Variants in DIPK1A observed in about 807,000 individuals in gnomAD.
The protein encoded by DIPK1A is family with sequence similarity 69 member A.
DIPK1A carries 27 observed loss-of-function variants against 40.8 expected under a neutral mutation model. The observed-to-expected ratio is 0.66, with a 90% CI of 0.49 to 0.91. The LOEUF (loss-of-function observed/expected upper bound fraction) is 0.91. Among genes scored for constraint, DIPK1A ranks in the 40% least tolerant of loss-of-function variants. The pLI, the probability that DIPK1A is intolerant of heterozygous loss-of-function variation, is 0.00. For synonymous variants in DIPK1A, 166 were observed against 171.3 expected (o/e 0.97, Z 0.24); for missense variants, 412 against 505.7 (o/e 0.81, Z 1.78).
intron 1 of DIPK1A, among the ~76,000 whole-genome samples, chr1:92,915,302 G>C (rs1391844943): frequency 6.6e-6 from 1 of 152,182 alleles, no homozygotes; most frequent in South Asian, 2.1e-4. Context: ...AAACATGTGA[G>C]TCCGTGTATT....
At chr1:92,923,082 C>G (rs1242894246) in intron 1 of DIPK1A, among the ~76,000 whole-genome samples, 1 of 152,162 alleles carries the variant, frequency 6.6e-6, no homozygotes, top group African/African-American at 2.4e-5. Context: ...GCTTTCCATG[C>G]TTATTGTTCC....
intron 1 of DIPK1A, among the ~76,000 whole-genome samples, chr1:92,905,137 T>C (rs1431329981): frequency 1.3e-5 from 2 of 152,182 alleles, no homozygotes; most frequent in Non-Finnish European, 1.5e-5. Context: ...ACCTATTTTA[T>C]ATACTTAATT....
intron 1 of DIPK1A, among the ~76,000 whole-genome samples, chr1:92,911,881 G>A (rs531245607): frequency 6.6e-6 from 1 of 151,762 alleles, no homozygotes; most frequent in East Asian, 1.9e-4. Flanking sequence ...GCAGGTGCCT[G>A]TAATCCCAGC....
At chr1:92,833,684 C>G (rs1553285040) in intron 4 of DIPK1A, 2 of 1,574,642 alleles carry the variant, frequency 1.3e-6, no homozygotes, top group Middle Eastern at 2.3e-4. Context: ...TAGACAGTCC[C>G]CTTTTTTTAT....
intron 1 of DIPK1A, among the ~76,000 whole-genome samples, chr1:92,915,061 C>A (rs1649998454): frequency 7.5e-6 from 1 of 132,884 alleles, no homozygotes. Flanking sequence ...GCACTTCAGC[C>A]TGGGTGACAG....
At chr1:92,957,266 A>C (rs1651890515) in intron 1 of DIPK1A, among the ~76,000 whole-genome samples, 1 of 152,230 alleles carries the variant, frequency 6.6e-6, no homozygotes, top group South Asian at 2.1e-4. Context: ...CAAGCAGGCC[A>C]CAAGTAGTAT....
chr1:92,863,717 G>A (rs1647395565), intron 2 of DIPK1A, among the ~76,000 whole-genome samples: 1 of 152,030 alleles, frequency 6.6e-6, no homozygotes, highest in South Asian at 2.1e-4. Context: ...AAAGGGAAAA[G>A]GGCTATACTT....
intron 2 of DIPK1A, among the ~76,000 whole-genome samples, chr1:92,863,475 C>T (rs1275721114): frequency 1.4e-5 from 2 of 143,714 alleles, no homozygotes; most frequent in Non-Finnish European, 3.0e-5. Flanking sequence ...CTCATGCCTA[C>T]AATCCCAGCA....
At chr1:92,893,764 C>A (rs1490356398) in intron 1 of DIPK1A, among the ~76,000 whole-genome samples, 1 of 145,556 alleles carries the variant, frequency 6.9e-6, no homozygotes, top group Non-Finnish European at 1.5e-5. Flanking sequence ...ACCCATCTCA[C>A]GTGCAGAGAC....
intron 1 of DIPK1A, among the ~76,000 whole-genome samples, chr1:92,944,041 A>G (rs1285268774): frequency 6.6e-6 from 1 of 152,202 alleles, no homozygotes; most frequent in African/African-American, 2.4e-5. Context: ...AACTATGAAT[A>G]GGAAACCATA....
At chr1:92,948,838 C>T (rs1037133908) in intron 1 of DIPK1A, among the ~76,000 whole-genome samples, 1 of 149,006 alleles carries the variant, frequency 6.7e-6, no homozygotes, top group Non-Finnish European at 1.5e-5. Context: ...GAGTTTCACT[C>T]TTGTTGCCCA....
chr1:92,913,137 A>C (rs915568201), intron 1 of DIPK1A, among the ~76,000 whole-genome samples: 4 of 152,210 alleles, frequency 2.6e-5, no homozygotes, highest in Non-Finnish European at 5.9e-5. Context: ...ATTTACAGCT[A>C]TCTTATTCAT....
At chr1:92,885,410 C>T (rs1468952429) in intron 1 of DIPK1A, among the ~76,000 whole-genome samples, 1 of 152,086 alleles carries the variant, frequency 6.6e-6, no homozygotes, top group African/African-American at 2.4e-5. Context: ...ACTCTGTCTC[C>T]CAGGCTGGAG....
At chr1:92,908,630 T>C (rs1197317781) in intron 1 of DIPK1A, among the ~76,000 whole-genome samples, 2 of 152,150 alleles carry the variant, frequency 1.3e-5, no homozygotes, top group Non-Finnish European at 2.9e-5. Flanking sequence ...CAAGTTAGAC[T>C]ATGAAGGGGA....
intron 1 of DIPK1A, among the ~76,000 whole-genome samples, chr1:92,921,213 G>A (rs540206759): frequency 6.6e-6 from 1 of 152,232 alleles, no homozygotes; most frequent in East Asian, 1.9e-4. Context: ...TAAGAAAAGC[G>A]TGAGACACAA....
In DIPK1A at chr1:92,843,704, C is replaced by G; in HGVS notation, c.966G>C (p.Leu322=). The G allele has an allele frequency of 6.4e-7, 1 of 1,551,732 alleles. No homozygotes were observed. The highest frequency in any genetic ancestry group is 8.7e-7 in the Non-Finnish European group (1 of 1,147,000). ...DMRKIVPETN[L]KELIKDRHCE... ...AGTGACGATCCTTAATAAGTTCTTTCAGGTTTGTCTCTGGCACAATTTTTC... is the reference window on the plus strand; with the variant it reads ...AGTGACGATCCTTAATAAGTTCTTTGAGGTTTGTCTCTGGCACAATTTTTC... Residue 322 remains leucine, a synonymous_variant, in exon 5 of 5, where the codon CTG becomes CTC. Coordinates refer to ENST00000370310, the MANE Select transcript of DIPK1A (RefSeq NM_001006605.5).
chr1:92,886,272 C>T (rs1196483178), intron 1 of DIPK1A, among the ~76,000 whole-genome samples: 2 of 151,960 alleles, frequency 1.3e-5, no homozygotes, highest in Non-Finnish European at 2.9e-5. Flanking sequence ...ATTGAGGCTG[C>T]AGTAAGTGAT....
intron 1 of DIPK1A, among the ~76,000 whole-genome samples, chr1:92,891,277 T>C (rs1436222687): frequency 6.6e-6 from 1 of 152,038 alleles, no homozygotes; most frequent in Non-Finnish European, 1.5e-5. Flanking sequence ...CAATTTTTCA[T>C]TTCATTGATC....
intron 2 of DIPK1A, among the ~76,000 whole-genome samples, chr1:92,852,672 A>G (rs1206206402): frequency 1.3e-5 from 2 of 152,192 alleles, no homozygotes; most frequent in East Asian, 3.8e-4. Flanking sequence ...GACAGGAAGG[A>G]AAATAAAACA....
Sources: allele counts gnomAD v4.1 joint callset (sites outside exome capture counted in the v4.1 genomes callset), GRCh38; gene constraint gnomAD v4.1.1; transcripts MANE v1.5; gene names NCBI Gene and HGNC (gene_info 2026-07-23, HGNC 2026-07-21).